Variants in CDH18 observed in about 807,000 individuals in gnomAD.
CDH18 encodes the protein cadherin-18.
Under a neutral mutation model 67.9 loss-of-function variants are expected in CDH18, and 31 were observed. The ratio of observed to expected loss-of-function variants is 0.46; its 90% CI spans 0.34 to 0.62. The LOEUF is 0.62. Among genes scored for constraint, CDH18 ranks in the 20% least tolerant of loss-of-function variants. The probability of loss-of-function intolerance (pLI) is 0.01; values close to 1 mark genes in which losing one functional copy is unlikely to be tolerated. For synonymous variants in CDH18, 362 were observed against 347.2 expected (o/e 1.04, Z -0.48); for missense variants, 890 against 975.5 (o/e 0.91, Z 1.17).
chr5:20,065,258 G>T (rs1742881460), intron 2 of CDH18, among the ~76,000 whole-genome samples: 1 of 151,768 alleles, frequency 6.6e-6, no homozygotes, highest in Non-Finnish European at 1.5e-5. Context: ...CTTATTGGGG[G>T]AATGTCATTT....
intron 6 of CDH18, among the ~76,000 whole-genome samples, chr5:19,604,450 T>A (rs1747691910): frequency 6.6e-6 from 1 of 151,810 alleles, no homozygotes; most frequent in African/African-American, 2.4e-5. Context: ...CTGATAAAAT[T>A]AACCAGACAG....
At chr5:19,791,947 C>A (rs147344894) in intron 3 of CDH18, among the ~76,000 whole-genome samples, 1 of 152,084 alleles carries the variant, frequency 6.6e-6, no homozygotes, top group Non-Finnish European at 1.5e-5. Context: ...CAACAGACTA[C>A]TTTTTAGAAG....
chr5:20,433,927 G>A lies in CDH18; in HGVS notation c.-580+141535C>T, dbSNP rs145834853. Among the ~76,000 whole-genome samples the A allele has an allele frequency of 2.3e-3, 356 of 152,138 alleles. 2 individuals carry two copies. The highest frequency in any genetic ancestry group is 7.9e-3 in the African/African-American group (326 of 41,520). On this transcript the variant is annotated intron_variant, in intron 1 of 14. Transcript: ENST00000507958. ...TATAAAAGCTGAGTAAAGAAAACGCGTCATAAACGAGGAGTCTAACATGAG... is the reference window on the plus strand; with the variant it reads ...TATAAAAGCTGAGTAAAGAAAACGCATCATAAACGAGGAGTCTAACATGAG...
At position 19,831,851 on chromosome 5, in the gene CDH18, T is replaced by C. The variant is rs567328403; in HGVS notation, c.228+6908A>G. ...CACAGTAGCAAAGACATGGATTCAA[T>C]AACTTAGGTGTCCCTCAATGGTGGA... On this transcript the variant is annotated intron_variant, in intron 3 of 12. Transcript: ENST00000382275. Among the ~76,000 whole-genome samples the C allele has an allele frequency of 1.7e-3, 261 of 152,158 alleles. 5 individuals carry two copies. In the South Asian group the frequency reaches 0.029, roughly 17 times the overall value.
intron 9 of CDH18, among the ~76,000 whole-genome samples, chr5:19,526,576 GA>G (rs947387860): frequency 7.2e-5 from 11 of 151,952 alleles, no homozygotes; most frequent in Admixed American, 3.9e-4. Context: ...ACATTGAATG[GA>G]AAAAATAAAT....
intron 2 of CDH18, among the ~76,000 whole-genome samples, chr5:20,254,257 C>T (rs964802550): frequency 2.6e-5 from 4 of 152,104 alleles, no homozygotes; most frequent in African/African-American, 9.7e-5. Context: ...GGATTACAGG[C>T]ACGTGCCACC....
At chr5:19,619,106 T>G (rs1459914285) in intron 5 of CDH18, among the ~76,000 whole-genome samples, 1 of 152,196 alleles carries the variant, frequency 6.6e-6, no homozygotes, top group African/African-American at 2.4e-5. Flanking sequence ...TTCCATAAAT[T>G]CTTGTCTGTA....
At chr5:20,165,406 A>T (rs1019743905) in intron 2 of CDH18, among the ~76,000 whole-genome samples, 1 of 152,088 alleles carries the variant, frequency 6.6e-6, no homozygotes, top group Non-Finnish European at 1.5e-5. Flanking sequence ...AATTCGGATA[A>T]CTTTACTAAC....
intron 10 of CDH18, among the ~76,000 whole-genome samples, chr5:19,518,351 C>T (rs954830529): frequency 6.6e-6 from 1 of 152,086 alleles, no homozygotes; most frequent in South Asian, 2.1e-4. Context: ...TAACAAAATG[C>T]TACCTAAATA....
At chr5:19,840,876 T>A (rs1782239194) in intron 2 of CDH18, among the ~76,000 whole-genome samples, 1 of 152,162 alleles carries the variant, frequency 6.6e-6, no homozygotes, top group African/African-American at 2.4e-5. Flanking sequence ...ACTAAATAAA[T>A]CACTTTCTCA....
intron 2 of CDH18, among the ~76,000 whole-genome samples, chr5:20,090,026 G>C (rs988706681): frequency 1.3e-5 from 2 of 152,048 alleles, no homozygotes; most frequent in East Asian, 3.9e-4. Context: ...TGACTTGTCA[G>C]TAAATTAAAT....
intron 3 of CDH18, among the ~76,000 whole-genome samples, chr5:19,790,186 C>A (rs1381564917): frequency 6.6e-6 from 1 of 152,084 alleles, no homozygotes; most frequent in Non-Finnish European, 1.5e-5. Context: ...ATGCTTCTCT[C>A]TAAACCTTTC....
intron 2 of CDH18, among the ~76,000 whole-genome samples, chr5:20,018,802 T>TGAACCTGAGAATGTGAACTGTGCC (rs1318381132): frequency 7.1e-6 from 1 of 141,778 alleles, no homozygotes; most frequent in African/African-American, 2.7e-5. Flanking sequence ...AGGCATTCTT[T>TGAACCTGAGAATGTGAACTGTGCC]TTTTTTTTTT....
At chr5:19,660,237 G>T (rs1756975901) in intron 5 of CDH18, among the ~76,000 whole-genome samples, 2 of 151,892 alleles carry the variant, frequency 1.3e-5, no homozygotes, top group African/African-American at 2.4e-5. Flanking sequence ...TAAATATGTT[G>T]AATAGGCAAC....
intron 2 of CDH18, among the ~76,000 whole-genome samples, chr5:20,178,144 T>C (rs1048451956): frequency 4.6e-5 from 7 of 152,062 alleles, no homozygotes; most frequent in Admixed American, 3.3e-4. Flanking sequence ...CAGATACTAT[T>C]TGTTGCATTT....
At chr5:20,529,967 C>T (rs1464737321) in intron 1 of CDH18, among the ~76,000 whole-genome samples, 8 of 152,012 alleles carry the variant, frequency 5.3e-5, no homozygotes, top group Admixed American at 5.2e-4. Flanking sequence ...TTGCAGATGA[C>T]ATGATCCTCT....
In CDH18 at chr5:20,256,996, C is replaced by T. The variant is rs189473764; in HGVS notation, c.-579-1491G>A. On this transcript the variant is annotated intron_variant, in intron 1 of 14. Transcript: ENST00000507958. ...TATATCTATATCTATATCTATCTAT[C>T]TATCTATCTATCATCATCATCCTCT... Among the ~76,000 whole-genome samples the T allele has an allele frequency of 2.1e-5, 3 of 141,806 alleles. No homozygotes were observed. In the East Asian group the frequency reaches 6.4e-4, roughly 30 times the overall value. The allele number at this position is 141,806 out of a possible 152,430, so 93.0% of individuals were successfully genotyped here. A position where few individuals can be genotyped will look rare whatever the true frequency, so the allele number is the denominator to read the frequency against.
intron 2 of CDH18, among the ~76,000 whole-genome samples, chr5:20,178,259 A>G (rs928889704): frequency 2.0e-5 from 3 of 152,040 alleles, no homozygotes; most frequent in African/African-American, 4.8e-5. Flanking sequence ...CAGCTTGTCA[A>G]CTGCAGACTT....
At chr5:20,517,169 C>T (rs1358142540) in intron 1 of CDH18, among the ~76,000 whole-genome samples, 1 of 151,584 alleles carries the variant, frequency 6.6e-6, no homozygotes, top group African/African-American at 2.4e-5. Flanking sequence ...CATCTATATC[C>T]TAATATGTAT....
Sources: allele counts gnomAD v4.1 joint callset (sites outside exome capture counted in the v4.1 genomes callset), GRCh38; gene constraint gnomAD v4.1.1; transcripts MANE v1.5; gene names NCBI Gene and HGNC (gene_info 2026-07-23, HGNC 2026-07-21).